ZNF704: variants seen among roughly 807,000 people sequenced by gnomAD.
ZNF704 encodes the protein zinc finger protein 704, also known as glucocorticoid induced gene 1.
A neutral mutation model predicts 44.7 loss-of-function variants in ZNF704; 10 were observed. That is an observed-to-expected ratio of 0.22 (90% confidence interval 0.14 to 0.38). The LOEUF is 0.38. ZNF704 is among the 10% of genes least tolerant of loss of function. The probability of loss-of-function intolerance (pLI) is 1.00; values close to 1 mark genes in which losing one functional copy is unlikely to be tolerated. For missense variants in ZNF704, 390 were observed against 545.5 expected (o/e 0.71, Z 2.84); for synonymous variants, 211 against 207.6 (o/e 1.02, Z -0.14).
At chr8:80,746,589 A>G (rs1585997959) in intron 2 of ZNF704, among the ~76,000 whole-genome samples, 3 of 152,204 alleles carry the variant, frequency 2.0e-5, no homozygotes, top group African/African-American at 7.2e-5. Flanking sequence ...CACCTATGAC[A>G]TGCTGGGTAT....
At chr8:80,797,452 C>T (rs1401191210) in intron 2 of ZNF704, among the ~76,000 whole-genome samples, 1 of 152,164 alleles carries the variant, frequency 6.6e-6, no homozygotes, top group African/African-American at 2.4e-5. Context: ...AGCTGCTGTG[C>T]CTCCATATCT....
At chr8:80,734,745 T>C (rs1806639662) in intron 2 of ZNF704, among the ~76,000 whole-genome samples, 1 of 152,238 alleles carries the variant, frequency 6.6e-6, no homozygotes, top group African/African-American at 2.4e-5. Flanking sequence ...ATATTCCTAA[T>C]TTACAAATTT....
chr8:80,740,414 A>T (rs1253040711), intron 2 of ZNF704, among the ~76,000 whole-genome samples: 1 of 152,138 alleles, frequency 6.6e-6, no homozygotes, highest in East Asian at 1.9e-4. Flanking sequence ...TTTCCCTACC[A>T]AAGGCAGTAC....
chr8:80,803,152 A>C (rs193214985), intron 2 of ZNF704, among the ~76,000 whole-genome samples: 2 of 152,306 alleles, frequency 1.3e-5, no homozygotes, highest in African/African-American at 4.8e-5. Context: ...GAACTCTTCA[A>C]GGAGAAATAC....
At chr8:80,824,815 A>G (rs748954459) in intron 1 of ZNF704, among the ~76,000 whole-genome samples, 7 of 152,244 alleles carry the variant, frequency 4.6e-5, no homozygotes, top group Non-Finnish European at 8.8e-5. Flanking sequence ...TTTCATATTC[A>G]GCCAAACTAA....
In ZNF704 at chr8:80,711,602, G is replaced by A. The variant is rs558575388; in HGVS notation, c.222-18495C>T. Among the ~76,000 whole-genome samples the A allele has an allele frequency of 2.0e-5, 3 of 152,258 alleles. No individual in the cohort carries two copies. The East Asian group carries it at 5.8e-4, about 29-fold the overall frequency. On this transcript the variant is annotated intron_variant, in intron 2 of 8. Coordinates refer to ENST00000327835, the MANE Select transcript of ZNF704 (RefSeq NM_001033723.3). Reference sequence around the variant, plus strand: ...TCAAAATATATAACCTGTCTTTAAAGGTCCTGTGATAAAGGACAGAACACC... The same window carrying A: ...TCAAAATATATAACCTGTCTTTAAAAGTCCTGTGATAAAGGACAGAACACC...
intron 2 of ZNF704, among the ~76,000 whole-genome samples, chr8:80,699,696 G>A (rs1212148167): frequency 6.6e-6 from 1 of 152,150 alleles, no homozygotes; most frequent in Non-Finnish European, 1.5e-5. Flanking sequence ...GACTGGCACT[G>A]GCCCATGGTC....
chr8:80,771,472 A>C (rs996141567), intron 2 of ZNF704, among the ~76,000 whole-genome samples: 1 of 152,144 alleles, frequency 6.6e-6, no homozygotes, highest in Non-Finnish European at 1.5e-5. Flanking sequence ...TTTAAATGAT[A>C]CTGTATTTTA....
intron 1 of ZNF704, among the ~76,000 whole-genome samples, chr8:80,837,313 C>T (rs933467898): frequency 6.6e-6 from 1 of 152,120 alleles, no homozygotes; most frequent in Non-Finnish European, 1.5e-5. Context: ...ACTTTGCCTC[C>T]AGGAATACAA....
intron 2 of ZNF704, among the ~76,000 whole-genome samples, chr8:80,820,606 G>A (rs879586340): frequency 2.3e-4 from 35 of 151,832 alleles, no homozygotes; most frequent in African/African-American, 7.0e-4. Flanking sequence ...CTTTTAAGCC[G>A]TTAAAAAGGC....
At chr8:80,656,135 CTCCCTGGCTTGCCAGT>C (rs1290734010) in intron 7 of ZNF704, among the ~76,000 whole-genome samples, 2 of 152,204 alleles carry the variant, frequency 1.3e-5, no homozygotes. Context: ...CATGCTTGCT[CTCCCTGGCTTGCCAGT>C]GCCCTGGCAT....
intron 6 of ZNF704, among the ~76,000 whole-genome samples, chr8:80,663,470 A>G (rs1215944618): frequency 6.6e-6 from 1 of 151,980 alleles, no homozygotes; most frequent in Admixed American, 6.5e-5. Flanking sequence ...CTTTAGCATG[A>G]CTCAGGATTC....
At chr8:80,869,898 G>A (rs1449630597) in intron 1 of ZNF704, among the ~76,000 whole-genome samples, 1 of 152,186 alleles carries the variant, frequency 6.6e-6, no homozygotes, top group Non-Finnish European at 1.5e-5. Flanking sequence ...AAAAACAGCA[G>A]TAAGTAGGGA....
chr8:80,800,808 AC>A (rs2129791848), intron 2 of ZNF704, among the ~76,000 whole-genome samples: 1 of 152,278 alleles, frequency 6.6e-6, no homozygotes, highest in South Asian at 2.1e-4. Context: ...TTAATACATA[AC>A]AATACTAACC....
chr8:80,712,861 G>C (rs1315435710), intron 2 of ZNF704, among the ~76,000 whole-genome samples: 3 of 142,780 alleles, frequency 2.1e-5, no homozygotes, highest in African/African-American at 9.1e-5. Context: ...GTAGATGGTT[G>C]AAGTAGGGGT....
intron 1 of ZNF704, among the ~76,000 whole-genome samples, chr8:80,850,253 C>A (rs1295522443): frequency 2.0e-5 from 3 of 151,984 alleles, no homozygotes; most frequent in African/African-American, 7.2e-5. Context: ...CGTTATTTTT[C>A]TGTAATATAG....
At chr8:80,762,003 A>C (rs573629943) in intron 2 of ZNF704, among the ~76,000 whole-genome samples, 1 of 152,376 alleles carries the variant, frequency 6.6e-6, no homozygotes, top group South Asian at 2.1e-4. Context: ...GCAGGTGTAC[A>C]AAAGGACATC....
chr8:80,858,845 T>C (rs1319350715), intron 1 of ZNF704, among the ~76,000 whole-genome samples: 1 of 152,224 alleles, frequency 6.6e-6, no homozygotes, highest in Admixed American at 6.5e-5. Context: ...TTTCAATTCT[T>C]TGGAATTTAC....
At chr8:80,758,900 C>T (rs567997034) in intron 2 of ZNF704, among the ~76,000 whole-genome samples, 10 of 152,000 alleles carry the variant, frequency 6.6e-5, no homozygotes, top group Non-Finnish European at 1.2e-4. Flanking sequence ...AGTATTATCC[C>T]CATTTTACAG....
Sources: gnomAD v4.1 joint callset for allele counts (sites outside exome capture counted in the v4.1 genomes callset) on GRCh38, gnomAD v4.1.1 for gene constraint, MANE v1.5 for transcripts, NCBI Gene and HGNC (gene_info 2026-07-23, HGNC 2026-07-21) for gene names.